Variants in WARS2 observed in about 807,000 individuals in gnomAD.
WARS2 encodes tryptophanyl tRNA synthetase 2, mitochondrial.
Under a neutral mutation model 36.5 loss-of-function variants are expected in WARS2, and 28 were observed. The observed-to-expected ratio is 0.77, with a 90% confidence interval of 0.57 to 1.05. WARS2 has a LOEUF of 1.05. Ranked by LOEUF, WARS2 falls within the 50% of genes least tolerant of loss-of-function variation. The pLI, the probability that WARS2 is intolerant of heterozygous loss-of-function variation, is 0.00. For missense variants in WARS2, 435 were observed against 456.8 expected (o/e 0.95, Z 0.44); for synonymous variants, 174 against 178.4 (o/e 0.98, Z 0.20).
intron 1 of WARS2, among the ~76,000 whole-genome samples, chr1:119,088,089 G>A (rs972606697): frequency 1.3e-5 from 2 of 152,316 alleles, no homozygotes; most frequent in East Asian, 3.9e-4. Flanking sequence ...GCTAAAGTTT[G>A]AGCGAGGTTT....
At position 119,076,535 on chromosome 1, in the gene WARS2, C is replaced by A. The variant is rs1651744785; in HGVS notation, c.163G>T (p.Ala55Ser). 1 of 1,614,044 alleles carries A rather than the reference C, an allele frequency of 6.2e-7. No homozygotes were observed. The highest frequency in any genetic ancestry group is 1.3e-5 in the African/African-American group (1 of 74,918). Residue 55 changes from alanine to serine, a missense_variant, in exon 2 of 6, where the codon GCC becomes TCC. Physicochemically the swap from Ala to Ser is moderately conservative, Grantham distance 99. Transcript: ENST00000235521. The part of the protein sequence containing the change: ...GILHLGNYLG[A>S]IESWVRLQDE... ...TGTAACCTCACCCAGCTCTCAATGGCTCCCAGGTAATTGCCCAGGTGGAGG... is the reference window on the plus strand; with the variant it reads ...TGTAACCTCACCCAGCTCTCAATGGATCCCAGGTAATTGCCCAGGTGGAGG...
At chr1:119,044,854 C>T (rs1034424362) in intron 3 of WARS2, among the ~76,000 whole-genome samples, 1 of 152,190 alleles carries the variant, frequency 6.6e-6, no homozygotes, top group Non-Finnish European at 1.5e-5. Flanking sequence ...TCTGAGGGAA[C>T]ACATTCAGAC....
chr1:119,136,182 T>C (rs951054588), intron 1 of WARS2, among the ~76,000 whole-genome samples: 1 of 152,166 alleles, frequency 6.6e-6, no homozygotes, highest in Non-Finnish European at 1.5e-5. Context: ...ACAGCTCTTC[T>C]GTAACTTGCA....
intron 1 of WARS2, chr1:119,127,034 C>T (rs1364689356): frequency 2.6e-6 from 2 of 757,212 alleles, no homozygotes; most frequent in Non-Finnish European, 2.4e-6. Flanking sequence ...CTTCAGTAAT[C>T]AGCTTGAATT....
chr1:119,135,312 G>A (rs587659863), intron 1 of WARS2, among the ~76,000 whole-genome samples: 8 of 152,268 alleles, frequency 5.3e-5, no homozygotes, highest in African/African-American at 1.4e-4. Flanking sequence ...GGAGTGGGGC[G>A]GGTAATGGGG....
At chr1:119,061,359 AT>A (rs1042782350) in intron 2 of WARS2, among the ~76,000 whole-genome samples, 4 of 152,158 alleles carry the variant, frequency 2.6e-5, no homozygotes, top group Non-Finnish European at 5.9e-5. Flanking sequence ...CAGCAGATAA[AT>A]TTTTTAAACC....
chr1:119,127,362 A>C, intron 1 of WARS2: 2 of 460,764 alleles, frequency 4.3e-6, no homozygotes, highest in Non-Finnish European at 8.0e-6. Context: ...AAAAAAATTA[A>C]GGCACAGAAA....
intron 2 of WARS2, among the ~76,000 whole-genome samples, chr1:119,056,763 ATTTGTTTGGC>A (rs1649851841): frequency 6.6e-6 from 1 of 151,794 alleles, no homozygotes; most frequent in Non-Finnish European, 1.5e-5. Context: ...GTTACTGTGG[ATTTGTTTGGC>A]TTATTCTATA....
At chr1:119,115,579 C>A (rs187494568) in intron 1 of WARS2, among the ~76,000 whole-genome samples, 3 of 152,266 alleles carry the variant, frequency 2.0e-5, no homozygotes, top group Non-Finnish European at 4.4e-5. Flanking sequence ...TCAACAGTTT[C>A]AGGGCTAACC....
At chr1:119,115,962 G>C (rs928687424) in intron 1 of WARS2, among the ~76,000 whole-genome samples, 5 of 152,140 alleles carry the variant, frequency 3.3e-5, no homozygotes, top group Admixed American at 3.3e-4. Context: ...CTTATAGAAA[G>C]ACTCTCACAC....
At chr1:119,084,300 T>TTAATGGG (rs1238798202) in intron 1 of WARS2, among the ~76,000 whole-genome samples, 1 of 152,152 alleles carries the variant, frequency 6.6e-6, no homozygotes, top group Non-Finnish European at 1.5e-5. Flanking sequence ...GAGTTCTTGT[T>TTAATGGG]TAATGGGTAC....
At chr1:119,135,715 CAGATAGATAGAT>C (rs113027169) in intron 1 of WARS2, among the ~76,000 whole-genome samples, 116 of 147,078 alleles carry the variant, frequency 7.9e-4, no homozygotes, top group Middle Eastern at 3.4e-3. Flanking sequence ...ATTAGATAGA[CAGATAGATAGAT>C]AGATAGATAG....
chr1:119,056,180 T>A (rs1649785730), intron 2 of WARS2, among the ~76,000 whole-genome samples: 1 of 143,346 alleles, frequency 7.0e-6, no homozygotes, highest in Admixed American at 7.0e-5. Context: ...CCACCATGCC[T>A]GGCTAATTTT....
chr1:119,113,457 A>G (rs978069422), intron 1 of WARS2, among the ~76,000 whole-genome samples: 1 of 152,148 alleles, frequency 6.6e-6, no homozygotes, highest in Non-Finnish European at 1.5e-5. Flanking sequence ...GGTTTGTGTC[A>G]CCCCAAAGCT....
intron 1 of WARS2, among the ~76,000 whole-genome samples, chr1:119,079,076 C>G (rs587663873): frequency 6.6e-6 from 1 of 152,100 alleles, no homozygotes; most frequent in South Asian, 2.1e-4. Flanking sequence ...AGGTAAGCAT[C>G]TAATTTCTTC....
intron 2 of WARS2, among the ~76,000 whole-genome samples, chr1:119,052,617 T>A (rs1400382247): frequency 1.3e-5 from 2 of 152,208 alleles, no homozygotes; most frequent in African/African-American, 4.8e-5. Context: ...GTAGCTTCTG[T>A]CAGGCTGTTC....
At chr1:119,093,091 C>T (rs1653156375) in intron 1 of WARS2, among the ~76,000 whole-genome samples, 2 of 152,152 alleles carry the variant, frequency 1.3e-5, no homozygotes, top group African/African-American at 4.8e-5. Context: ...CATAATCTGA[C>T]TTCAAATATA....
chr1:119,079,687 T>C (rs1055158862), intron 1 of WARS2, among the ~76,000 whole-genome samples: 19 of 152,254 alleles, frequency 1.2e-4, no homozygotes, highest in African/African-American at 4.1e-4. Flanking sequence ...TTCCAAATCC[T>C]ACAAATATAG....
chr1:119,111,265 A>T (rs1172895306), intron 1 of WARS2, among the ~76,000 whole-genome samples: 4 of 152,176 alleles, frequency 2.6e-5, no homozygotes, highest in Non-Finnish European at 5.9e-5. Context: ...TTAATAGTGT[A>T]GTGGCAAGTT....
Sources: allele counts gnomAD v4.1 joint callset (sites outside exome capture counted in the v4.1 genomes callset), GRCh38; gene constraint gnomAD v4.1.1; transcripts MANE v1.5; gene names NCBI Gene and HGNC (gene_info 2026-07-23, HGNC 2026-07-21).